Variants in COCH observed in about 807,000 individuals in gnomAD.
COCH encodes the protein coagulation factor C homolog, cochlin (Limulus polyphemus).
A neutral mutation model predicts 54.8 loss-of-function variants in COCH; 40 were observed. The ratio of observed to expected loss-of-function variants is 0.73; its 90% CI spans 0.57 to 0.95. The LOEUF (loss-of-function observed/expected upper bound fraction) is 0.95, where lower values mean the gene tolerates loss of function less well. Among genes scored for constraint, COCH ranks in the 40% least tolerant of loss-of-function variants. The probability of loss-of-function intolerance (pLI) is 0.00; values close to 1 mark genes in which losing one functional copy is unlikely to be tolerated. For missense variants in COCH, 605 were observed against 675.0 expected, an observed-to-expected ratio of 0.90 and a Z score of 1.15; for synonymous variants, 256 against 237.9, an observed-to-expected ratio of 1.08 and a Z score of -0.70.
At position 30,880,394 on chromosome 14, in the gene COCH, G is replaced by T. The variant is rs536937953; in HGVS notation, c.437-58G>T. On this transcript the variant is annotated intron_variant, in intron 6 of 11. Coordinates refer to ENST00000396618, the MANE Select transcript of COCH (RefSeq NM_004086.3). ...TTGTTATGAGCTTCTCCCCATGTGG[G>T]TTTCTTGCTATGTAACTGTCTTCCT... The T allele has an allele frequency of 2.3e-5, 37 of 1,603,976 alleles. No homozygotes were observed. The African/African-American group carries it at 3.5e-4, about 15-fold the overall frequency.
At position 30,877,692 on chromosome 14, in the gene COCH, C is replaced by T. The variant is rs1196260691; in HGVS notation, c.203C>T (p.Ala68Val). The T allele has an allele frequency of 6.2e-7, 1 of 1,614,210 alleles. No homozygotes were observed. Among genetic ancestry groups the T allele is most frequent in the Admixed American group, 1.7e-5 (1 of 60,020 alleles). ...TCTGTGTATGGGAACATAGTATATG[C>T]TTCTGTATCGAGCATATGTGGGGCT... ...EFSVYGNIVY[A>V]SVSSICGAAV... Residue 68 changes from alanine (A) to valine (V), a missense_variant, in exon 4 of 12, where the codon GCT becomes GTT. Transcript: ENST00000396618. The surrounding 1 kb of genome is among the most constrained non-coding windows in gnomAD (Gnocchi z 8.6).
At chr14:30,883,714 A>G (rs1473708881) in intron 8 of COCH, among the ~76,000 whole-genome samples, 2 of 152,144 alleles carry the variant, frequency 1.3e-5, no homozygotes, top group African/African-American at 4.8e-5. Context: ...ACTAAACACA[A>G]CAGATTGTGC....
chr14:30,885,646 T>C lies in COCH; in HGVS notation c.960+26T>C, dbSNP rs1895761936. ...GTAAAGTGGTGAGGGTTATCTTCTG[T>C]TACAGTGATGGGTATTCCATTTTGG... is the stretch of plus-strand genomic sequence containing the variant. On this transcript the variant is annotated intron_variant, in intron 10 of 11. Transcript: ENST00000396618. The C allele has an allele frequency of 4.7e-6, 7 of 1,491,310 alleles. No homozygotes were observed. The East Asian group carries it at 9.0e-5, about 19-fold the overall frequency. 92.4% of individuals were successfully genotyped at this position (1,491,310 alleles called of 1,614,324 possible).
intron 4 of COCH, 151 bp from the exon 5 acceptor site, chr14:30,878,660 A>G: frequency 8.6e-7 from 1 of 1,167,374 alleles, no homozygotes; most frequent in Non-Finnish European, 1.2e-6. Flanking sequence ...CCATCAAATA[A>G]ATAAATAAAT....
intron 7 of COCH, 43 bp downstream of exon 7, chr14:30,880,539 C>G (rs375789836): frequency 6.2e-7 from 1 of 1,614,110 alleles, no homozygotes; most frequent in South Asian, 1.1e-5. Flanking sequence ...CATTTTCCCT[C>G]CCTCCTCTTG....
chr14:30,893,198 C>A (rs1174397769), downstream of COCH, among the ~76,000 whole-genome samples: 8 of 137,182 alleles, frequency 5.8e-5, no homozygotes, highest in African/African-American at 2.0e-4. Flanking sequence ...GTCACCCAGG[C>A]TGGAGTGCAG....
chr14:30,892,812 CAA>C (rs953152690), downstream of COCH, among the ~76,000 whole-genome samples: 2 of 122,944 alleles, frequency 1.6e-5, no homozygotes, highest in African/African-American at 5.9e-5. Context: ...CGCTCCATCT[CAA>C]AAAAAAAAAA....
chr14:30,889,709 CAA>C lies in COCH; in HGVS notation c.1572_1573del (p.Glu526ValfsTer10). ...CCGAAGGAGTCTCATGCTTTCTTCA[CAA>C]GAGAGTTCACAGGATTAGAACCAAT... On this transcript the variant is annotated frameshift_variant, in exon 12 of 12. Coordinates refer to ENST00000396618, the MANE Select transcript of COCH (RefSeq NM_004086.3). LOFTEE classifies it high-confidence loss of function. 1 of 1,614,032 alleles carries C rather than the reference CAA, an allele frequency of 6.2e-7. No homozygotes were observed. Among genetic ancestry groups the C allele is most frequent in the South Asian group, 1.1e-5 (1 of 91,080 alleles).
At chr14:30,888,470 G>A (rs1895867034) in intron 11 of COCH, among the ~76,000 whole-genome samples, 1 of 151,978 alleles carries the variant, frequency 6.6e-6, no homozygotes, top group African/African-American at 2.4e-5. Context: ...TTAGATAGAT[G>A]GTACTCTACA....
At chr14:30,883,567 G>T (rs1329169497) in intron 8 of COCH, among the ~76,000 whole-genome samples, 6 of 152,182 alleles carry the variant, frequency 3.9e-5, no homozygotes, top group South Asian at 2.1e-4. Flanking sequence ...CTGATTTTAT[G>T]ACCCAATATT....
intron 11 of COCH, chr14:30,889,291 TAA>T: frequency 3.2e-6 from 1 of 312,178 alleles, no homozygotes; most frequent in South Asian, 3.1e-5. Context: ...TGGATCAGGT[TAA>T]AAGTCTTCTT....
chr14:30,886,899 T>C (rs1050265735), intron 11 of COCH, among the ~76,000 whole-genome samples: 4 of 152,126 alleles, frequency 2.6e-5, no homozygotes, highest in Admixed American at 1.3e-4. Flanking sequence ...TAAATTTTTT[T>C]GGGGAGAGAC....
chr14:30,880,486 T>A lies in COCH; in HGVS notation c.471T>A (p.Thr157=). ...KRLKKTPEKK[T]GNKDCKADIA... The stretch of plus-strand genomic sequence containing the variant: ...TAAAGAAAACACCCGAGAAGAAAAC[T>A]GGCAATAAAGGTAAGAATCAAGATC... The change falls in exon 7 of 12, where the codon ACT becomes ACA. Residue 157 remains threonine, a synonymous_variant. Transcript: ENST00000396618. The A allele has an allele frequency of 6.2e-7, 1 of 1,614,148 alleles. No individual in the cohort carries two copies. Among genetic ancestry groups the A allele is most frequent in the Non-Finnish European group, 8.5e-7 (1 of 1,180,018 alleles).
At position 30,885,942 on chromosome 14, in the gene COCH, C is replaced by T; in HGVS notation, c.1107C>T (p.Ala369=). 1 of 1,614,144 alleles carries T rather than the reference C, an allele frequency of 6.2e-7. No individual in the cohort carries two copies. Among genetic ancestry groups the T allele is most frequent in the Non-Finnish European group, 8.5e-7 (1 of 1,180,020 alleles). Reference sequence around the variant, plus strand: ...CCTGTTATAACTCAGTGAACATTGCCTTTCTAATTGATGGCTCCAGCAGTG... The same window carrying T: ...CCTGTTATAACTCAGTGAACATTGCTTTTCTAATTGATGGCTCCAGCAGTG... ...SKTCYNSVNI[A]FLIDGSSSVG... The change falls in exon 11 of 12, where the codon GCC becomes GCT. Residue 369 remains alanine (A), a synonymous_variant. Coordinates refer to ENST00000396618, the MANE Select transcript of COCH (RefSeq NM_004086.3).
chr14:30,885,348 T>G, intron 9 of COCH, 46 bp from the exon 10 acceptor site: 1 of 1,455,422 alleles, frequency 6.9e-7, no homozygotes, highest in Non-Finnish European at 9.7e-7. Context: ...GAAATGTGGT[T>G]TGAGCAGTGG....
In COCH at chr14:30,889,897, C is replaced by CTATT; in HGVS notation, c.*107_*110dup. The CTATT allele has an allele frequency of 6.8e-7, 1 of 1,465,184 alleles. No homozygotes were observed. The highest frequency in any genetic ancestry group is 9.0e-7 in the Non-Finnish European group (1 of 1,109,348). 90.8% of individuals were successfully genotyped at this position (1,465,184 alleles called of 1,614,324 possible). On this transcript the variant is annotated 3_prime_UTR_variant, in exon 12 of 12. Transcript: ENST00000396618. The stretch of plus-strand genomic sequence containing the variant: ...TAGCATACTAGAATCAGATACAAAA[C>CTATT]TATTAAGTATGTCAACAGCCATTTA...
At chr14:30,890,889 A>G (rs376268640), downstream of COCH, among the ~76,000 whole-genome samples, 26 of 152,074 alleles carry the variant, frequency 1.7e-4, no homozygotes, top group Admixed American at 3.3e-4. Flanking sequence ...AGAAAAAAAA[A>G]TTAGCCGGGT....
intron 8 of COCH, among the ~76,000 whole-genome samples, chr14:30,882,207 A>G (rs1480560630): frequency 7.9e-6 from 1 of 126,498 alleles, no homozygotes; most frequent in Non-Finnish European, 1.6e-5. Flanking sequence ...TTTGTTCACT[A>G]CAACCTCTGC....
intron 5 of COCH, 35 bp downstream of exon 5, chr14:30,878,979 C>T (rs746094796): frequency 6.2e-7 from 1 of 1,611,890 alleles, no homozygotes; most frequent in Non-Finnish European, 8.5e-7. Context: ...CTGTAATATT[C>T]TCCCACCCCC....
Sources: allele counts gnomAD v4.1 joint callset (sites outside exome capture counted in the v4.1 genomes callset), GRCh38; gene constraint gnomAD v4.1.1; non-coding constraint Gnocchi (gnomAD v3.1); transcripts MANE v1.5; gene names NCBI Gene and HGNC (gene_info 2026-07-23, HGNC 2026-07-21).